Variants in TNKS observed in about 807,000 individuals in gnomAD.
TNKS encodes tankyrase, also known as poly [ADP-ribose] polymerase tankyrase-1.
TNKS carries 72 observed loss-of-function variants against 135.8 expected under a neutral mutation model. That is an observed-to-expected ratio of 0.53 (90% CI 0.44 to 0.64). TNKS has a LOEUF of 0.64. Among genes scored for constraint, TNKS ranks in the 30% least tolerant of loss-of-function variants. The pLI is 0.00. For missense variants in TNKS, 1,769 were observed against 1,674.0 expected, an observed-to-expected ratio of 1.06 and a Z score of -0.99; for synonymous variants, 849 against 649.3, an observed-to-expected ratio of 1.31 and a Z score of -4.68.
chr8:9,745,549 T>G (rs575582894), intron 17 of TNKS, among the ~76,000 whole-genome samples: 1 of 151,958 alleles, frequency 6.6e-6, no homozygotes, highest in East Asian at 1.9e-4. Context: ...GGATTACAGG[T>G]GTGTGGCGCC....
At chr8:9,644,050 T>C (rs769022879) in intron 3 of TNKS, among the ~76,000 whole-genome samples, 9 of 152,192 alleles carry the variant, frequency 5.9e-5, no homozygotes, top group South Asian at 2.1e-4. Flanking sequence ...ATTCCACTTA[T>C]GGAGTTACTT....
intron 3 of TNKS, among the ~76,000 whole-genome samples, chr8:9,634,745 G>A (rs749805890): frequency 1.3e-5 from 2 of 152,090 alleles, no homozygotes; most frequent in Non-Finnish European, 2.9e-5. Flanking sequence ...TAGCAGTGGA[G>A]CACACCTGCT....
intron 2 of TNKS, among the ~76,000 whole-genome samples, chr8:9,582,738 A>C (rs1333583983): frequency 6.6e-6 from 1 of 152,240 alleles, no homozygotes; most frequent in Non-Finnish European, 1.5e-5. Context: ...GGTACAGTGT[A>C]CATTCAGTGA....
At chr8:9,684,364 C>T (rs1007691081) in intron 5 of TNKS, among the ~76,000 whole-genome samples, 12 of 151,884 alleles carry the variant, frequency 7.9e-5, no homozygotes, top group African/African-American at 2.2e-4. Flanking sequence ...TGTTAATTTT[C>T]GTAAGGATAC....
chr8:9,588,381 G>C (rs1291079316), intron 2 of TNKS, among the ~76,000 whole-genome samples: 1 of 151,868 alleles, frequency 6.6e-6, no homozygotes, highest in Non-Finnish European at 1.5e-5. Context: ...TTCACGCCAT[G>C]CTCTTGCCTC....
chr8:9,704,655 T>G lies in TNKS; in HGVS notation c.1108-8T>G. ...TTTACCTGAAAAGGGGATGTTTTTCTTTTCTAGTCGACTCCTTTACATCTA... is the reference window on the plus strand; with the variant it reads ...TTTACCTGAAAAGGGGATGTTTTTCGTTTCTAGTCGACTCCTTTACATCTA... On this transcript the variant is annotated splice_polypyrimidine_tract_variant and splice_region_variant and intron_variant, in intron 5 of 26. Coordinates refer to ENST00000310430, the MANE Select transcript of TNKS (RefSeq NM_003747.3). 1 of 1,607,712 alleles carries G rather than the reference T, an allele frequency of 6.2e-7. No individual in the cohort carries two copies. The highest frequency in any genetic ancestry group is 8.5e-7 in the Non-Finnish European group (1 of 1,176,882).
chr8:9,714,162 A>C (rs1477476758), intron 11 of TNKS, among the ~76,000 whole-genome samples: 3 of 152,202 alleles, frequency 2.0e-5, no homozygotes, highest in African/African-American at 7.2e-5. Context: ...TAATACATAC[A>C]AACTTGAGGT....
At chr8:9,579,530 G>A (rs1167213941) in intron 1 of TNKS, among the ~76,000 whole-genome samples, 1 of 152,064 alleles carries the variant, frequency 6.6e-6, no homozygotes, top group African/African-American at 2.4e-5. Flanking sequence ...ATGCAGTGGC[G>A]TGGTCTCGGC....
At chr8:9,571,759 C>G (rs972317340) in intron 1 of TNKS, among the ~76,000 whole-genome samples, 1 of 152,098 alleles carries the variant, frequency 6.6e-6, no homozygotes, top group Non-Finnish European at 1.5e-5. Context: ...CCACCGCGCC[C>G]GGGGATTCCA....
chr8:9,778,502 T>C lies in TNKS; in HGVS notation c.*1766T>C, dbSNP rs966856686. ...CTGGAACTAGGCATCCAGACTAGTTTGAATGTTTGTAGCTGAATTTTTATG... is the reference window on the plus strand; with the variant it reads ...CTGGAACTAGGCATCCAGACTAGTTCGAATGTTTGTAGCTGAATTTTTATG... On this transcript the variant is annotated 3_prime_UTR_variant, in exon 27 of 27. Transcript: ENST00000310430. The C allele has an allele frequency of 1.3e-5, 2 of 152,652 alleles. No individual in the cohort carries two copies. Among genetic ancestry groups the C allele is most frequent in the African/African-American group, 4.8e-5 (2 of 41,464 alleles). 9.5% of individuals were successfully genotyped at this position (152,652 alleles called of 1,614,324 possible).
chr8:9,721,932 A>G (rs1804905442), intron 12 of TNKS, among the ~76,000 whole-genome samples: 1 of 151,992 alleles, frequency 6.6e-6, no homozygotes. Flanking sequence ...GCGTGCCTGT[A>G]ATTCCAGCTA....
At chr8:9,576,656 C>G (rs971385530) in intron 1 of TNKS, among the ~76,000 whole-genome samples, 3 of 151,984 alleles carry the variant, frequency 2.0e-5, no homozygotes, top group Non-Finnish European at 4.4e-5. Context: ...GAAACCACCC[C>G]TGTGACCCAA....
At chr8:9,644,941 C>G (rs1015252455) in intron 3 of TNKS, among the ~76,000 whole-genome samples, 2 of 152,146 alleles carry the variant, frequency 1.3e-5, no homozygotes, top group Non-Finnish European at 2.9e-5. Flanking sequence ...TTTTGCCCCA[C>G]TATAGGCCAA....
chr8:9,616,781 C>A (rs1361345220), intron 3 of TNKS, among the ~76,000 whole-genome samples: 1 of 152,066 alleles, frequency 6.6e-6, no homozygotes, highest in Non-Finnish European at 1.5e-5. Flanking sequence ...GTAACATACA[C>A]TAGAGTAATA....
At chr8:9,721,054 G>A in intron 12 of TNKS, among the ~76,000 whole-genome samples, 1 of 151,894 alleles carries the variant, frequency 6.6e-6, no homozygotes, top group Non-Finnish European at 1.5e-5. Context: ...TGCCGAGGCA[G>A]GCAGATCACG....
At chr8:9,593,234 C>T (rs776536458) in intron 2 of TNKS, among the ~76,000 whole-genome samples, 2 of 152,162 alleles carry the variant, frequency 1.3e-5, no homozygotes, top group Non-Finnish European at 2.9e-5. Context: ...CTTAGCCAAG[C>T]AGTGTCACTA....
chr8:9,743,839 C>A (rs1806095895), intron 17 of TNKS, among the ~76,000 whole-genome samples: 1 of 152,230 alleles, frequency 6.6e-6, no homozygotes, highest in African/African-American at 2.4e-5. Flanking sequence ...GTCACTCCTA[C>A]ATTTCACAGC....
intron 1 of TNKS, among the ~76,000 whole-genome samples, chr8:9,572,523 A>C (rs572295983): frequency 5.3e-5 from 8 of 152,158 alleles, no homozygotes; most frequent in Non-Finnish European, 8.8e-5. Context: ...CTTCTGTTTC[A>C]TGTCACTAGT....
chr8:9,693,792 C>G (rs1585336604), intron 5 of TNKS, among the ~76,000 whole-genome samples: 1 of 152,156 alleles, frequency 6.6e-6, no homozygotes, highest in African/African-American at 2.4e-5. Context: ...AAGTAGAGTA[C>G]AATATGTCAC....
Sources: allele counts gnomAD v4.1 joint callset (sites outside exome capture counted in the v4.1 genomes callset), GRCh38; gene constraint gnomAD v4.1.1; transcripts MANE v1.5; gene names NCBI Gene and HGNC (gene_info 2026-07-23, HGNC 2026-07-21).